TMEM50B: variants seen among roughly 807,000 people sequenced by gnomAD.
The protein encoded by TMEM50B is transmembrane protein 50B.
TMEM50B carries 14 observed loss-of-function variants against 23.4 expected under a neutral mutation model. That is an observed-to-expected ratio of 0.60 (90% confidence interval 0.39 to 0.93). The LOEUF (loss-of-function observed/expected upper bound fraction) is 0.93, where lower values mean the gene tolerates loss of function less well. Ranked by LOEUF, TMEM50B falls within the 40% of genes least tolerant of loss-of-function variation. The pLI is 0.00. For synonymous variants in TMEM50B, 64 were observed against 62.3 expected (o/e 1.03, Z -0.13); for missense variants, 159 against 193.0 (o/e 0.82, Z 1.04).
rs944429686 is a variant in TMEM50B, at chr21:33,477,823, A to G, written c.-42+2015T>C. Among the ~76,000 whole-genome samples, 6 of 151,044 alleles carry G rather than the reference A, an allele frequency of 4.0e-5. No individual in the cohort carries two copies. The Admixed American group carries it at 4.0e-4, about 10-fold the overall frequency. ...CAAAACTCGGCCTCAAAAATTATAT[A>G]TATATATACATAAGTTAAAAATAAA... is the stretch of plus-strand genomic sequence containing the variant. On this transcript the variant is annotated intron_variant, in intron 1 of 6. Transcript: ENST00000542230.
In TMEM50B at chr21:33,456,184, G is replaced by C. The variant is rs906488483; in HGVS notation, c.374-400C>G. The C allele has an allele frequency of 8.8e-6, 4 of 451,992 alleles. No homozygotes were observed. The East Asian group carries it at 2.8e-4, about 31-fold the overall frequency. The allele number at this position is 451,992 out of a possible 1,614,324, so 28.0% of individuals were successfully genotyped here. A position where few individuals can be genotyped will look rare whatever the true frequency, so the allele number is the denominator to read the frequency against. On this transcript the variant is annotated intron_variant, in intron 5 of 6. Coordinates refer to ENST00000542230, the MANE Select transcript of TMEM50B (RefSeq NM_006134.7). ...TTTATTTTCTTTCATGAATTCAAGAGGTTTTTTGTGTTTGTTTTTAAAGAA... is the reference window on the plus strand; with the variant it reads ...TTTATTTTCTTTCATGAATTCAAGACGTTTTTTGTGTTTGTTTTTAAAGAA...
At position 33,450,802 on chromosome 21, in the gene TMEM50B, G is replaced by A. The variant is rs377759044; in HGVS notation, c.*16C>T. 19 of 1,606,026 alleles carry A rather than the reference G, an allele frequency of 1.2e-5. No homozygotes were observed. Among genetic ancestry groups the A allele is most frequent in the Admixed American group, 1.0e-4 (6 of 58,612 alleles). On this transcript the variant is annotated 3_prime_UTR_variant, in exon 7 of 7. Coordinates refer to ENST00000542230, the MANE Select transcript of TMEM50B (RefSeq NM_006134.7). ...ACAGAATATAACAAAAGGAAAATGTGACTTAAGAAGTGATCTCAGGTCCAT... is the reference window on the plus strand; with the variant it reads ...ACAGAATATAACAAAAGGAAAATGTAACTTAAGAAGTGATCTCAGGTCCAT...
chr21:33,464,644 A>G (rs1255439242), intron 4 of TMEM50B, among the ~76,000 whole-genome samples: 3 of 150,600 alleles, frequency 2.0e-5, no homozygotes, highest in Non-Finnish European at 4.4e-5. Context: ...CATCTCTACT[A>G]AAACTTCAAA....
chr21:33,449,769 T>C lies in TMEM50B; in HGVS notation c.*1049A>G, dbSNP rs1196818904. 1 of 152,670 alleles carries C rather than the reference T, an allele frequency of 6.6e-6. No homozygotes were observed. Among genetic ancestry groups the C allele is most frequent in the Non-Finnish European group, 1.5e-5 (1 of 68,046 alleles). The allele number at this position is 152,670 out of a possible 1,614,324, so 9.5% of individuals were successfully genotyped here. ...GGTTCATGCTTTTAAACTGCGATTG[T>C]CTCAAACTTGCTTGCTATTGAATTG... On this transcript the variant is annotated 3_prime_UTR_variant, in exon 7 of 7. Transcript: ENST00000542230.
chr21:33,437,134 T>C (rs570942852), intron 8 of TMEM50B: 100 of 603,606 alleles, frequency 1.7e-4, no homozygotes, highest in Non-Finnish European at 2.6e-4. Flanking sequence ...AGCTTTTTTT[T>C]TTTTTCTTAA....
intron 7 of TMEM50B, among the ~76,000 whole-genome samples, chr21:33,441,056 C>A (rs2084004378): frequency 6.6e-6 from 1 of 151,628 alleles, no homozygotes; most frequent in Non-Finnish European, 1.5e-5. Flanking sequence ...AAGGTGACAC[C>A]CTGTCTCTAC....
In TMEM50B at chr21:33,436,365, AAAAT is replaced by A. The variant is rs1294656169; in HGVS notation, c.*2120+2845_*2120+2848del. On this transcript the variant is annotated intron_variant and NMD_transcript_variant, in intron 8 of 8. Transcript: ENST00000420455. Reference sequence around the variant, plus strand: ...ATTGTTTCATTGTTGAATAAAAAGAAAAATAAGTTATGTCATTGGTGGACAGAAT... The same window carrying A: ...ATTGTTTCATTGTTGAATAAAAAGAAAAGTTATGTCATTGGTGGACAGAAT... Among the ~76,000 whole-genome samples the A allele has an allele frequency of 3.7e-4, 57 of 152,320 alleles. 1 individual carries two copies. The highest frequency in any genetic ancestry group is 3.7e-3 in the Admixed American group (57 of 15,302).
chr21:33,452,156 C>T (rs375960449), intron 6 of TMEM50B, among the ~76,000 whole-genome samples: 2 of 152,226 alleles, frequency 1.3e-5, no homozygotes, highest in African/African-American at 4.8e-5. Flanking sequence ...CCTAAAATGT[C>T]TTCATAACAA....
chr21:33,437,128 T>A, intron 8 of TMEM50B: 2 of 510,404 alleles, frequency 3.9e-6, no homozygotes, highest in East Asian at 3.3e-5. Context: ...GTGACAAGCT[T>A]TTTTTTTTTT....
chr21:33,466,879 A>C (rs1411099084), intron 3 of TMEM50B, 131 bp downstream of exon 3: 1 of 641,382 alleles, frequency 1.6e-6, no homozygotes, highest in African/African-American at 1.9e-5. Flanking sequence ...ATAAAATGGG[A>C]ATTATGTATG....
At chr21:33,461,429 T>C (rs978384683) in intron 4 of TMEM50B, among the ~76,000 whole-genome samples, 3 of 152,186 alleles carry the variant, frequency 2.0e-5, no homozygotes, top group African/African-American at 7.2e-5. Flanking sequence ...TAAACAGTAA[T>C]GTTTAGTTCT....
rs1463309502 is a variant in TMEM50B at position 33,449,188 on chromosome 21, ATAAT to A, written c.*1626_*1629del. The A allele has an allele frequency of 3.3e-5, 5 of 152,228 alleles. No homozygotes were observed. Among genetic ancestry groups the A allele is most frequent in the African/African-American group, 9.6e-5 (4 of 41,460 alleles). 9.4% of individuals were successfully genotyped at this position (152,228 alleles called of 1,614,324 possible). A position where few individuals can be genotyped will look rare whatever the true frequency, so the allele number is the denominator to read the frequency against. ...GCAACAGGTTATGAGGTGGAAACAA[ATAAT>A]TAGTCTTACAATTTGCTAGAAGCAT... On this transcript the variant is annotated 3_prime_UTR_variant, in exon 7 of 7. Coordinates refer to ENST00000542230, the MANE Select transcript of TMEM50B (RefSeq NM_006134.7).
At chr21:33,458,026 A>G (rs980095097) in intron 5 of TMEM50B, among the ~76,000 whole-genome samples, 11 of 152,306 alleles carry the variant, frequency 7.2e-5, no homozygotes, top group African/African-American at 2.6e-4. Context: ...AGACAATCTA[A>G]AAATTTCTTG....
chr21:33,473,998 T>A (rs923701654), intron 1 of TMEM50B, among the ~76,000 whole-genome samples: 7 of 152,012 alleles, frequency 4.6e-5, no homozygotes, highest in Non-Finnish European at 8.8e-5. Context: ...TAAAGCGGAT[T>A]AGTGGCTGTC....
chr21:33,443,264 T>C (rs2084023427), intron 7 of TMEM50B, among the ~76,000 whole-genome samples: 1 of 152,218 alleles, frequency 6.6e-6, no homozygotes, highest in Non-Finnish European at 1.5e-5. Flanking sequence ...ACTATTTACT[T>C]TCTGAAATTT....
At chr21:33,466,616 C>T (rs1247204308) in intron 3 of TMEM50B, among the ~76,000 whole-genome samples, 2 of 152,070 alleles carry the variant, frequency 1.3e-5, no homozygotes, top group Non-Finnish European at 2.9e-5. Flanking sequence ...TTTTAAGATA[C>T]ACCATTAATT....
At chr21:33,476,992 T>C (rs1256940752) in intron 1 of TMEM50B, among the ~76,000 whole-genome samples, 13 of 151,974 alleles carry the variant, frequency 8.6e-5, no homozygotes, top group African/African-American at 3.1e-4. Flanking sequence ...CGGTATACCA[T>C]GCAACATTCT....
chr21:33,458,530 A>G (rs758595822), intron 5 of TMEM50B, among the ~76,000 whole-genome samples: 1 of 152,138 alleles, frequency 6.6e-6, no homozygotes, highest in Non-Finnish European at 1.5e-5. Context: ...ACACTTTCCT[A>G]TAAGATTCCA....
rs1483279319 is a variant in TMEM50B at position 33,460,518 on chromosome 21, G to A, written c.281-13C>T. 6.4e-7 allele frequency: 1 copy of A among 1,556,722 alleles called. No homozygotes were observed. The highest frequency in any genetic ancestry group is 2.0e-5 in the Admixed American group (1 of 49,444). ...CAAACTCGAGCACCTGTGTAGAGAA[G>A]AGGCTTTATGATTTTGTTCATTTTT... On this transcript the variant is annotated splice_polypyrimidine_tract_variant and intron_variant, in intron 4 of 6. Transcript: ENST00000542230.
Sources: gnomAD v4.1 joint callset for allele counts (sites outside exome capture counted in the v4.1 genomes callset) on GRCh38, gnomAD v4.1.1 for gene constraint, MANE v1.5 for transcripts, NCBI Gene and HGNC (gene_info 2026-07-23, HGNC 2026-07-21) for gene names.